Variants in OXR1 observed in about 807,000 individuals in gnomAD.
The protein encoded by OXR1 is oxidation resistance 1.
Under a neutral mutation model 104.6 loss-of-function variants are expected in OXR1, and 41 were observed. The observed-to-expected ratio is 0.39, with a 90% CI of 0.31 to 0.51. The LOEUF is 0.51. Among genes scored for constraint, OXR1 ranks in the 20% least tolerant of loss-of-function variants. The pLI is 0.77. For missense variants in OXR1, 955 were observed against 1,031.9 expected, an observed-to-expected ratio of 0.93 and a Z score of 1.02; for synonymous variants, 348 against 348.4, an observed-to-expected ratio of 1.00 and a Z score of 0.01.
intron 2 of OXR1, among the ~76,000 whole-genome samples, chr8:106,513,836 G>A (rs998590872): frequency 1.3e-5 from 2 of 152,096 alleles, no homozygotes; most frequent in African/African-American, 4.8e-5. Context: ...GAACCTTTCT[G>A]GGTATATTTT....
chr8:106,661,953 G>A (rs1825808981), intron 3 of OXR1, among the ~76,000 whole-genome samples: 1 of 152,150 alleles, frequency 6.6e-6, no homozygotes, highest in Admixed American at 6.5e-5. Context: ...TAACTCCTCT[G>A]ATGTTGGGAT....
chr8:106,583,318 C>T (rs1410941120), intron 3 of OXR1, among the ~76,000 whole-genome samples: 1 of 152,152 alleles, frequency 6.6e-6, no homozygotes, highest in African/African-American at 2.4e-5. Context: ...TGATTTTTAA[C>T]AAACACTTTA....
rs1300757779 is a variant in OXR1, at chr8:106,644,991, C to T, written c.221-34219C>T. 3.9e-5 allele frequency among the ~76,000 whole-genome samples: 6 copies of T among 152,170 alleles called. No homozygotes were observed. The East Asian group carries it at 5.8e-4, about 15-fold the overall frequency. ...CTGTGAACAAGGAGTGTTTTTAAAG[C>T]GGAGAAAAGGCAATACTTAGATTGG... On this transcript the variant is annotated intron_variant, in intron 3 of 16. Coordinates refer to ENST00000517566, the MANE Select transcript of OXR1 (RefSeq NM_001198533.2).
intron 2 of OXR1, among the ~76,000 whole-genome samples, chr8:106,453,608 C>T (rs73699504): frequency 1.2e-3 from 188 of 152,294 alleles, no homozygotes; most frequent in African/African-American, 4.3e-3. Flanking sequence ...TGCCTTCTCT[C>T]CTATATGCCA....
intron 2 of OXR1, among the ~76,000 whole-genome samples, chr8:106,443,997 GA>G (rs1216064148): frequency 6.7e-6 from 1 of 150,072 alleles, no homozygotes; most frequent in Non-Finnish European, 1.5e-5. Context: ...ATATTTACAA[GA>G]AAAAAACAAA....
At chr8:106,385,640 C>T (rs554840501) in intron 2 of OXR1, among the ~76,000 whole-genome samples, 34 of 152,260 alleles carry the variant, frequency 2.2e-4, no homozygotes, top group African/African-American at 7.0e-4. Context: ...TCCAAGGTCA[C>T]GCAGGTAGTG....
intron 11 of OXR1, 77 bp from the exon 12 acceptor site, chr8:106,737,438 CTCTTT>C (rs1482792228): frequency 1.5e-5 from 5 of 323,680 alleles, no homozygotes; most frequent in Non-Finnish European, 2.5e-5. Flanking sequence ...TTAATTTCTC[CTCTTT>C]TTTTTTTTTT....
chr8:106,296,753 G>C (rs1334682195), intron 1 of OXR1, among the ~76,000 whole-genome samples: 4 of 152,194 alleles, frequency 2.6e-5, no homozygotes, highest in Non-Finnish European at 4.4e-5. Context: ...TCTTGAGCTT[G>C]TATCAAAGGC....
chr8:106,479,982 G>T (rs1040964304), intron 2 of OXR1, among the ~76,000 whole-genome samples: 1 of 151,930 alleles, frequency 6.6e-6, no homozygotes, highest in African/African-American at 2.4e-5. Flanking sequence ...ATGTAGGCGG[G>T]AGCTGTAGGA....
At chr8:106,387,733 G>C (rs1178773382) in intron 2 of OXR1, among the ~76,000 whole-genome samples, 1 of 152,082 alleles carries the variant, frequency 6.6e-6, no homozygotes, top group East Asian at 1.9e-4. Flanking sequence ...GAGGACACAT[G>C]GTATAGACCA....
At chr8:106,299,427 T>C (rs983790622) in intron 1 of OXR1, among the ~76,000 whole-genome samples, 4 of 152,140 alleles carry the variant, frequency 2.6e-5, no homozygotes, top group African/African-American at 9.7e-5. Flanking sequence ...ATTAGAGTGA[T>C]ACACAAAACT....
chr8:106,272,121 C>G (rs1811845027), intron 1 of OXR1: 1 of 152,168 alleles, frequency 6.6e-6, no homozygotes, highest in South Asian at 2.1e-4. Flanking sequence ...CACTACGTTA[C>G]TAGAATAAAC....
chr8:106,562,931 G>A (rs2130503102), intron 3 of OXR1, among the ~76,000 whole-genome samples: 1 of 152,272 alleles, frequency 6.6e-6, no homozygotes, highest in East Asian at 1.9e-4. Context: ...GAGAGATTTT[G>A]CCACCACCAG....
intron 7 of OXR1, 63 bp downstream of exon 7, chr8:106,692,940 G>C: frequency 8.5e-7 from 1 of 1,182,044 alleles, no homozygotes; most frequent in Non-Finnish European, 1.2e-6. Flanking sequence ...ATGTATGATA[G>C]TTTGGCATTT....
chr8:106,275,114 G>C (rs1032890020), intron 1 of OXR1, among the ~76,000 whole-genome samples: 1 of 152,170 alleles, frequency 6.6e-6, no homozygotes, highest in Non-Finnish European at 1.5e-5. Context: ...GATATTTCCC[G>C]ATTGTTGAAA....
chr8:106,311,108 C>A (rs997587214), intron 1 of OXR1, among the ~76,000 whole-genome samples: 1 of 151,954 alleles, frequency 6.6e-6, no homozygotes, highest in Non-Finnish European at 1.5e-5. Flanking sequence ...TAATTTTTAT[C>A]TTTTTCTCAT....
intron 3 of OXR1, among the ~76,000 whole-genome samples, chr8:106,519,495 C>A (rs536671787): frequency 3.9e-4 from 59 of 152,224 alleles, no homozygotes; most frequent in Non-Finnish European, 1.3e-4. Flanking sequence ...CAGCACCTTT[C>A]TTGTTTTTTG....
At chr8:106,721,657 A>C (rs1295745783) in intron 11 of OXR1, among the ~76,000 whole-genome samples, 1 of 152,224 alleles carries the variant, frequency 6.6e-6, no homozygotes, top group Non-Finnish European at 1.5e-5. Context: ...AGTTTAGATT[A>C]TTTAAGTATA....
At chr8:106,740,634 A>G (rs1834840561) in intron 14 of OXR1, 139 bp downstream of exon 14, 1 of 690,282 alleles carries the variant, frequency 1.4e-6, no homozygotes, top group East Asian at 2.7e-5. Flanking sequence ...TTAATATGCA[A>G]GGCAATGTTG....
Sources: gnomAD v4.1 joint callset for allele counts (sites outside exome capture counted in the v4.1 genomes callset) on GRCh38, gnomAD v4.1.1 for gene constraint, MANE v1.5 for transcripts, NCBI Gene and HGNC (gene_info 2026-07-23, HGNC 2026-07-21) for gene names.